Variants in CACNG3 observed in about 807,000 individuals in gnomAD.
CACNG3 encodes the protein calcium voltage-gated channel auxiliary subunit gamma 3.
In CACNG3, 3 loss-of-function variants were observed where a neutral mutation model predicts 28.5. The observed-to-expected ratio is 0.11, with a 90% CI of 0.05 to 0.27. The LOEUF (loss-of-function observed/expected upper bound fraction) is 0.27. CACNG3 is among the 10% of genes least tolerant of loss of function. CACNG3 has a pLI of 1.00. For missense variants in CACNG3, 236 were observed against 414.4 expected, an observed-to-expected ratio of 0.57 and a Z score of 3.74; for synonymous variants, 174 against 162.2, an observed-to-expected ratio of 1.07 and a Z score of -0.55.
chr16:24,290,640 T>A (rs1461004926), intron 1 of CACNG3, among the ~76,000 whole-genome samples: 2 of 152,242 alleles, frequency 1.3e-5, no homozygotes, highest in African/African-American at 2.4e-5. Flanking sequence ...AGTCTCGCTA[T>A]GTTCCCCAGA....
At chr16:24,312,852 TGAAA>T (rs982441732) in intron 1 of CACNG3, among the ~76,000 whole-genome samples, 8 of 120,948 alleles carry the variant, frequency 6.6e-5, no homozygotes, top group South Asian at 2.5e-4. Context: ...CAAGACAGGG[TGAAA>T]GAAAGAAAGA....
At chr16:24,296,260 A>G (rs1168875354) in intron 1 of CACNG3, among the ~76,000 whole-genome samples, 1 of 152,220 alleles carries the variant, frequency 6.6e-6, no homozygotes, top group Non-Finnish European at 1.5e-5. Context: ...CACACCATGA[A>G]CTAAGTCAGT....
chr16:24,355,428 A>T (rs957777154), intron 3 of CACNG3, among the ~76,000 whole-genome samples: 1 of 152,098 alleles, frequency 6.6e-6, no homozygotes, highest in African/African-American at 2.4e-5. Flanking sequence ...AATGTTAATT[A>T]AAAAATTAGC....
intron 1 of CACNG3, among the ~76,000 whole-genome samples, chr16:24,272,531 A>AT (rs1446830088): frequency 6.6e-6 from 1 of 151,864 alleles, no homozygotes; most frequent in Non-Finnish European, 1.5e-5. Context: ...TTTTATTTTC[A>AT]TTTTTTGTCA....
chr16:24,306,090 G>A (rs988096595), intron 1 of CACNG3, among the ~76,000 whole-genome samples: 1 of 152,148 alleles, frequency 6.6e-6, no homozygotes, highest in African/African-American at 2.4e-5. Context: ...GTGCTTTGAT[G>A]GAAGCCACCA....
rs147734423 is a variant in CACNG3, at chr16:24,354,936, C to T, written c.399C>T (p.Asn133=). 33 of 1,612,616 alleles carry T rather than the reference C, an allele frequency of 2.0e-5. No individual in the cohort carries two copies. Among genetic ancestry groups the T allele is most frequent in the African/African-American group, 2.7e-5 (2 of 74,882 alleles). ...AASEFHRSRH[N]VILSAGIFFV... ...GTGAGTTCCACCGCAGCAGACACAACGTCATTCTCAGCGCGGGCATCTTTT... is the reference window on the plus strand; with the variant it reads ...GTGAGTTCCACCGCAGCAGACACAATGTCATTCTCAGCGCGGGCATCTTTT... The change falls in exon 3 of 4, where the codon AAC becomes AAT. Residue 133 remains asparagine (N), a synonymous_variant. Coordinates refer to ENST00000005284, the MANE Select transcript of CACNG3 (RefSeq NM_006539.4).
intron 1 of CACNG3, among the ~76,000 whole-genome samples, chr16:24,277,179 G>A (rs941262425): frequency 6.6e-6 from 1 of 152,152 alleles, no homozygotes; most frequent in African/African-American, 2.4e-5. Flanking sequence ...ATGTCACCCT[G>A]TCCTCAGTCC....
At chr16:24,355,044 A>G (rs748474226) in intron 3 of CACNG3, 71 bp downstream of exon 3, 9 of 1,467,396 alleles carry the variant, frequency 6.1e-6, no homozygotes, top group Non-Finnish European at 8.5e-6. Flanking sequence ...TGGAGGAAGC[A>G]ATGCTACTCA....
At chr16:24,323,575 G>A (rs1417487414) in intron 1 of CACNG3, among the ~76,000 whole-genome samples, 2 of 152,122 alleles carry the variant, frequency 1.3e-5, no homozygotes, top group African/African-American at 2.4e-5. Context: ...ATCCCAGGTC[G>A]GTTTGACTTC....
chr16:24,346,116 T>C (rs968087848), intron 1 of CACNG3, among the ~76,000 whole-genome samples: 1 of 152,232 alleles, frequency 6.6e-6, no homozygotes, highest in Non-Finnish European at 1.5e-5. Flanking sequence ...AGGGGAAAGA[T>C]AAGATAGTCT....
At chr16:24,346,187 T>C (rs946988277) in intron 1 of CACNG3, among the ~76,000 whole-genome samples, 5 of 152,236 alleles carry the variant, frequency 3.3e-5, no homozygotes, top group African/African-American at 9.6e-5. Flanking sequence ...CCCAACATCA[T>C]GCAAAATCTA....
intron 1 of CACNG3, among the ~76,000 whole-genome samples, chr16:24,326,391 G>A (rs1016823491): frequency 1.3e-5 from 2 of 151,942 alleles, no homozygotes; most frequent in Admixed American, 6.6e-5. Flanking sequence ...GGATGGTCTC[G>A]AATTCCCGAC....
chr16:24,319,829 G>C lies in CACNG3; in HGVS notation c.212-26905G>C, dbSNP rs141116778. On this transcript the variant is annotated intron_variant, in intron 1 of 3. Coordinates refer to ENST00000005284, the MANE Select transcript of CACNG3 (RefSeq NM_006539.4). Reference sequence around the variant, plus strand: ...TCTGTTGCCCAGGCTGGAGTGCAGTGGCACAATCTCTGCTCACTACAACCT... The same window carrying C: ...TCTGTTGCCCAGGCTGGAGTGCAGTCGCACAATCTCTGCTCACTACAACCT... Among the ~76,000 whole-genome samples the C allele has an allele frequency of 2.0e-5, 3 of 152,146 alleles. No homozygotes were observed. In the East Asian group the frequency reaches 5.8e-4, roughly 29 times the overall value.
intron 1 of CACNG3, among the ~76,000 whole-genome samples, chr16:24,273,812 AT>A (rs1323216324): frequency 1.3e-5 from 2 of 152,058 alleles, no homozygotes; most frequent in Non-Finnish European, 2.9e-5. Context: ...TACAGTTTTC[AT>A]TTTTCCTGGC....
chr16:24,344,409 A>T (rs1485943538), intron 1 of CACNG3, among the ~76,000 whole-genome samples: 1 of 55,058 alleles, frequency 1.8e-5, no homozygotes, highest in Non-Finnish European at 4.5e-5. Flanking sequence ...ACTCAGTCTC[A>T]GAAAAAAAAA....
chr16:24,339,267 CAATGACTTAATT>C (rs1325456289), intron 1 of CACNG3, among the ~76,000 whole-genome samples: 2 of 152,140 alleles, frequency 1.3e-5, no homozygotes, highest in Non-Finnish European at 2.9e-5. Flanking sequence ...GCCAGTACCA[CAATGACTTAATT>C]ATTACAGCTT....
At chr16:24,268,978 A>G (rs939705789) in intron 1 of CACNG3, among the ~76,000 whole-genome samples, 1 of 152,186 alleles carries the variant, frequency 6.6e-6, no homozygotes, top group Non-Finnish European at 1.5e-5. Context: ...CTCATGCAGC[A>G]CTCAGATGGC....
intron 1 of CACNG3, among the ~76,000 whole-genome samples, chr16:24,279,928 C>T: frequency 6.6e-6 from 1 of 152,278 alleles, no homozygotes; most frequent in East Asian, 1.9e-4. Context: ...GTTAAAAGGG[C>T]CGCTGAATGC....
At chr16:24,276,199 G>A (rs776569440) in intron 1 of CACNG3, among the ~76,000 whole-genome samples, 18 of 152,240 alleles carry the variant, frequency 1.2e-4, no homozygotes, top group East Asian at 1.9e-4. Context: ...TTTCAAAAGC[G>A]TAAAAACAAT....
Sources: allele counts gnomAD v4.1 joint callset (sites outside exome capture counted in the v4.1 genomes callset), GRCh38; gene constraint gnomAD v4.1.1; transcripts MANE v1.5; gene names NCBI Gene and HGNC (gene_info 2026-07-23, HGNC 2026-07-21).